PSPC1: variants seen among roughly 807,000 people sequenced by gnomAD.
PSPC1 encodes the protein paraspeckle component 1.
A neutral mutation model predicts 51.6 loss-of-function variants in PSPC1; 14 were observed. That is an observed-to-expected ratio of 0.27 (90% confidence interval 0.18 to 0.42). The LOEUF is 0.42. Among genes scored for constraint, PSPC1 ranks in the 10% least tolerant of loss-of-function variants. The pLI, the probability that PSPC1 is intolerant of heterozygous loss-of-function variation, is 1.00. For missense variants in PSPC1, 406 were observed against 701.1 expected, an observed-to-expected ratio of 0.58 and a Z score of 4.75; for synonymous variants, 193 against 231.9, an observed-to-expected ratio of 0.83 and a Z score of 1.53.
intron 6 of PSPC1, among the ~76,000 whole-genome samples, chr13:19,693,665 T>C (rs1348607789): frequency 6.6e-6 from 1 of 152,266 alleles, no homozygotes; most frequent in African/African-American, 2.4e-5. Context: ...ATCAAGGTGA[T>C]AGCAAACACA....
In PSPC1 at chr13:19,703,114, A is replaced by G. The variant is rs1414839360; in HGVS notation, c.*61T>C. 6.9e-7 allele frequency: 1 copy of G among 1,445,064 alleles called. No homozygotes were observed. The highest frequency in any genetic ancestry group is 9.5e-7 in the Non-Finnish European group (1 of 1,049,972). The allele number at this position is 1,445,064 out of a possible 1,614,324, so 89.5% of individuals were successfully genotyped here. On this transcript the variant is annotated 3_prime_UTR_variant, in exon 9 of 9. Coordinates refer to ENST00000338910, the MANE Select transcript of PSPC1 (RefSeq NM_001354909.2). ...AAACCATTTCTTCCAGATAACAGGT[A>G]AAAGTATAAAGGCATACCACTGACT... is the stretch of plus-strand genomic sequence containing the variant.
At position 19,770,891 on chromosome 13, in the gene PSPC1, G is replaced by A. The variant is rs532890974; in HGVS notation, c.674+1351C>T. On this transcript the variant is annotated intron_variant, in intron 2 of 8. Transcript: ENST00000338910. ...CAGCCTGGGCGACAGAGTGAGACTC[G>A]TCTCCAAAAAAAAAAACAAACAAAA... Among the ~76,000 whole-genome samples, 5 of 149,168 alleles carry A rather than the reference G, an allele frequency of 3.4e-5. No homozygotes were observed. In the East Asian group the frequency reaches 5.9e-4, roughly 18 times the overall value.
intron 1 of PSPC1, among the ~76,000 whole-genome samples, chr13:19,781,007 A>C (rs535717021): frequency 6.6e-6 from 1 of 152,120 alleles, no homozygotes; most frequent in African/African-American, 2.4e-5. Flanking sequence ...AAATACAAAA[A>C]TTAGGCAGGC....
chr13:19,723,002 T>C (rs955117728), intron 6 of PSPC1, among the ~76,000 whole-genome samples: 7 of 152,006 alleles, frequency 4.6e-5, no homozygotes, highest in African/African-American at 1.2e-4. Flanking sequence ...TCTCAGCTAC[T>C]TGGAAGGCTG....
chr13:19,688,331 C>T (rs1488699762), intron 6 of PSPC1, among the ~76,000 whole-genome samples: 2 of 152,066 alleles, frequency 1.3e-5, no homozygotes, highest in African/African-American at 2.4e-5. Flanking sequence ...TACTAGATAA[C>T]CTCCTGTCAC....
intron 5 of PSPC1, among the ~76,000 whole-genome samples, chr13:19,737,504 G>A (rs893101060): frequency 7.9e-5 from 12 of 152,156 alleles, no homozygotes; most frequent in Non-Finnish European, 1.2e-4. Context: ...CCCATTCAGT[G>A]AATCATATCA....
intron 6 of PSPC1, among the ~76,000 whole-genome samples, chr13:19,691,932 T>C (rs1292468161): frequency 6.6e-6 from 1 of 151,842 alleles, no homozygotes; most frequent in African/African-American, 2.4e-5. Context: ...AAGAGAGACC[T>C]ACAAAAATAT....
chr13:19,769,138 CA>C (rs1888368927), intron 2 of PSPC1, among the ~76,000 whole-genome samples: 1 of 150,812 alleles, frequency 6.6e-6, no homozygotes, highest in Non-Finnish European at 1.5e-5. Flanking sequence ...GACTCTGCCT[CA>C]AAAAGCAAAT....
intron 2 of PSPC1, among the ~76,000 whole-genome samples, chr13:19,771,489 A>T (rs1199401948): frequency 6.6e-6 from 1 of 151,972 alleles, no homozygotes; most frequent in Non-Finnish European, 1.5e-5. Flanking sequence ...AGGCTGGAGT[A>T]GAGTGGCATG....
At chr13:19,711,862 G>A (rs1379603447) in intron 6 of PSPC1, among the ~76,000 whole-genome samples, 1 of 150,762 alleles carries the variant, frequency 6.6e-6, no homozygotes, top group East Asian at 1.9e-4. Context: ...AAAAAAGCTA[G>A]ACTGTAATAT....
At chr13:19,728,035 A>T (rs976885822) in intron 6 of PSPC1, among the ~76,000 whole-genome samples, 3 of 152,156 alleles carry the variant, frequency 2.0e-5, no homozygotes, top group African/African-American at 7.2e-5. Flanking sequence ...ATTAAATAAA[A>T]CTGACAACTG....
chr13:19,781,457 A>G (rs961312497), intron 1 of PSPC1, among the ~76,000 whole-genome samples: 1 of 152,190 alleles, frequency 6.6e-6, no homozygotes, highest in Non-Finnish European at 1.5e-5. Context: ...AGAGTAAGCT[A>G]TATTACTCTG....
chr13:19,705,249 C>T (rs1478943237), intron 8 of PSPC1, among the ~76,000 whole-genome samples: 1 of 152,252 alleles, frequency 6.6e-6, no homozygotes, highest in Non-Finnish European at 1.5e-5. Context: ...AATCCCAGCA[C>T]TTTGGGAGGC....
chr13:19,758,784 G>A (rs1489299557), intron 3 of PSPC1, among the ~76,000 whole-genome samples: 13 of 151,388 alleles, frequency 8.6e-5, no homozygotes, highest in South Asian at 2.1e-4. Context: ...GCAGTGAGCC[G>A]AGTTCACGCC....
At chr13:19,684,350 T>A (rs1274290420) in intron 6 of PSPC1, among the ~76,000 whole-genome samples, 2 of 152,256 alleles carry the variant, frequency 1.3e-5, no homozygotes, top group Non-Finnish European at 2.9e-5. Context: ...AAGAAATTAT[T>A]ATGAACTTAC....
intron 3 of PSPC1, among the ~76,000 whole-genome samples, chr13:19,753,306 C>G (rs1316179877): frequency 7.2e-6 from 1 of 139,786 alleles, no homozygotes; most frequent in Non-Finnish European, 1.5e-5. Context: ...AAAAAAAAGG[C>G]TCACTTGCCA....
intron 6 of PSPC1, among the ~76,000 whole-genome samples, chr13:19,729,379 A>G (rs1325954677): frequency 6.6e-6 from 1 of 152,070 alleles, no homozygotes; most frequent in Non-Finnish European, 1.5e-5. Context: ...TCTACTAAAA[A>G]TACAAAAATT....
Position 19,782,492 on chromosome 13 carries a change from A to G in PSPC1, c.266T>C (p.Leu89Pro), listed in dbSNP as rs1435209917. The part of the protein sequence containing the change: ...TQRCRLFVGN[L>P]PTDITEEDFK... ...GTCCTCCTCCGTGATGTCGGTGGGCAGATTTCCCACGAAGAGGCGGCAGCG... is the reference window on the plus strand; with the variant it reads ...GTCCTCCTCCGTGATGTCGGTGGGCGGATTTCCCACGAAGAGGCGGCAGCG... Residue 89 changes from leucine to proline, a missense_variant, in exon 1 of 9, where the codon CTG becomes CCG. Coordinates refer to ENST00000338910, the MANE Select transcript of PSPC1 (RefSeq NM_001354909.2). The surrounding 1 kb of genome is among the most constrained non-coding windows in gnomAD (Gnocchi z 4.5). 1 of 1,613,314 alleles carries G rather than the reference A, an allele frequency of 6.2e-7. No individual in the cohort carries two copies. Among genetic ancestry groups the G allele is most frequent in the Non-Finnish European group, 8.5e-7 (1 of 1,179,714 alleles).
intron 1 of PSPC1, among the ~76,000 whole-genome samples, chr13:19,774,011 A>T (rs890630982): frequency 1.2e-4 from 19 of 152,118 alleles, no homozygotes; most frequent in African/African-American, 4.6e-4. Context: ...CACATTTCTC[A>T]CTATTACATG....
Sources: allele counts gnomAD v4.1 joint callset (sites outside exome capture counted in the v4.1 genomes callset), GRCh38; gene constraint gnomAD v4.1.1; non-coding constraint Gnocchi (gnomAD v3.1); transcripts MANE v1.5; gene names NCBI Gene and HGNC (gene_info 2026-07-23, HGNC 2026-07-21).